Variants in DIPK1A observed in about 807,000 individuals in gnomAD.
DIPK1A encodes the protein divergent protein kinase domain 1A.
In DIPK1A, 27 loss-of-function variants were observed where a neutral mutation model predicts 40.8. That is an observed-to-expected ratio of 0.66 (90% CI 0.49 to 0.91). The LOEUF is 0.91. Among genes scored for constraint, DIPK1A ranks in the 40% least tolerant of loss-of-function variants. The probability of loss-of-function intolerance (pLI) is 0.00; values close to 1 mark genes in which losing one functional copy is unlikely to be tolerated. For missense variants in DIPK1A, 412 were observed against 505.7 expected, an observed-to-expected ratio of 0.81 and a Z score of 1.78; for synonymous variants, 166 against 171.3, an observed-to-expected ratio of 0.97 and a Z score of 0.24.
Position 92,836,472 on chromosome 1 carries a change from G to A in DIPK1A, c.475-3438C>T, listed in dbSNP as rs1175471407. On this transcript the variant is annotated intron_variant, in intron 4 of 4. Coordinates refer to the DIPK1A transcript ENST00000615519. Reference sequence around the variant, plus strand: ...AACTAGTTGGACTGTGGAGATAACCGAATTAAAGTAGCTATCAATTGAATG... The same window carrying A: ...AACTAGTTGGACTGTGGAGATAACCAAATTAAAGTAGCTATCAATTGAATG... 1.9e-5 allele frequency: 24 copies of A among 1,296,428 alleles called. No individual in the cohort carries two copies. The East Asian group carries it at 3.0e-4, about 16-fold the overall frequency. The allele number at this position is 1,296,428 out of a possible 1,614,324, so 80.3% of individuals were successfully genotyped here.
At chr1:92,876,662 A>G (rs143223784) in intron 1 of DIPK1A, among the ~76,000 whole-genome samples, 148 of 152,316 alleles carry the variant, frequency 9.7e-4, no homozygotes, top group African/African-American at 3.3e-3. Flanking sequence ...TTTAAGATGT[A>G]TAACCTTTCA....
intron 2 of DIPK1A, among the ~76,000 whole-genome samples, chr1:92,868,136 A>G (rs914828460): frequency 6.6e-6 from 1 of 152,224 alleles, no homozygotes; most frequent in African/African-American, 2.4e-5. Flanking sequence ...TCGAGCCTGT[A>G]TAGTGTAGTT....
At chr1:92,930,425 T>TA (rs1007697310) in intron 1 of DIPK1A, among the ~76,000 whole-genome samples, 22 of 151,430 alleles carry the variant, frequency 1.5e-4, no homozygotes, top group East Asian at 3.9e-4. Flanking sequence ...TAGGTAGTAA[T>TA]AAAAAAAAAC....
At position 92,842,318 on chromosome 1, in the gene DIPK1A, A is replaced by T. The variant is rs1427879900; in HGVS notation, c.*1065T>A. 1 of 986,106 alleles carries T rather than the reference A, an allele frequency of 1.0e-6. No homozygotes were observed. The highest frequency in any genetic ancestry group is 1.2e-6 in the Non-Finnish European group (1 of 830,482). 61.1% of individuals were successfully genotyped at this position (986,106 alleles called of 1,614,324 possible). On this transcript the variant is annotated 3_prime_UTR_variant, in exon 5 of 5. Transcript: ENST00000370310. The stretch of plus-strand genomic sequence containing the variant: ...ATAGATTTTTAACATGTTCCACTTT[A>T]GGTAGGCGAAACCTTTGAGCAGAAA...
At chr1:92,836,840 G>A (rs1687150903) in intron 4 of DIPK1A, 1 of 206,468 alleles carries the variant, frequency 4.8e-6, no homozygotes, top group South Asian at 7.6e-5. Flanking sequence ...TAAGATTGTA[G>A]GCCATTTTGG....
chr1:92,944,030 A>C (rs1048570791), intron 1 of DIPK1A, among the ~76,000 whole-genome samples: 2 of 152,318 alleles, frequency 1.3e-5, no homozygotes, highest in Admixed American at 1.3e-4. Context: ...GCATCCACAT[A>C]AACTATGAAT....
chr1:92,887,759 T>C (rs1648677838), intron 1 of DIPK1A, among the ~76,000 whole-genome samples: 1 of 152,104 alleles, frequency 6.6e-6, no homozygotes, highest in Non-Finnish European at 1.5e-5. Flanking sequence ...ATTCTATAAG[T>C]AGGGGACTAT....
At chr1:92,852,600 C>A (rs923893350) in intron 2 of DIPK1A, among the ~76,000 whole-genome samples, 2 of 152,056 alleles carry the variant, frequency 1.3e-5, no homozygotes, top group Admixed American at 1.3e-4. Flanking sequence ...TAAAATAAGA[C>A]TTCAAAGCAG....
At chr1:92,901,340 G>T (rs1381926660) in intron 1 of DIPK1A, among the ~76,000 whole-genome samples, 1 of 152,004 alleles carries the variant, frequency 6.6e-6, no homozygotes, top group Non-Finnish European at 1.5e-5. Context: ...GGTCCTAGGT[G>T]CAGGGTTTTG....
rs377488021 is a variant in DIPK1A, at chr1:92,917,465, T to C, written c.55-41035A>G. On this transcript the variant is annotated intron_variant, in intron 1 of 4. Transcript: ENST00000370310. ...GAAATGGTAGAAAAGGCTCTATTCCTGACTTCATTTTTCAAAATTGAACCA... is the reference window on the plus strand; with the variant it reads ...GAAATGGTAGAAAAGGCTCTATTCCCGACTTCATTTTTCAAAATTGAACCA... 2.5e-4 allele frequency among the ~76,000 whole-genome samples: 38 copies of C among 152,338 alleles called. 2 individuals carry two copies. In the East Asian group the frequency reaches 3.3e-3, roughly 13 times the overall value.
intron 1 of DIPK1A, among the ~76,000 whole-genome samples, chr1:92,896,845 G>C (rs1055970768): frequency 6.6e-6 from 1 of 151,220 alleles, no homozygotes; most frequent in Admixed American, 6.6e-5. Flanking sequence ...GTGGGTGAAG[G>C]ATATGAACAG....
intron 1 of DIPK1A, among the ~76,000 whole-genome samples, chr1:92,892,743 A>C (rs561130900): frequency 1.3e-5 from 2 of 152,192 alleles, no homozygotes; most frequent in South Asian, 4.1e-4. Flanking sequence ...AAAGAAGTTA[A>C]AAACCTTAAA....
chr1:92,934,809 A>T (rs970676641), intron 1 of DIPK1A, among the ~76,000 whole-genome samples: 1 of 152,206 alleles, frequency 6.6e-6, no homozygotes, highest in Admixed American at 6.5e-5. Context: ...ATTTGCCAAG[A>T]GAGTTCCTGG....
chr1:92,903,426 G>A (rs1175153996), intron 1 of DIPK1A, among the ~76,000 whole-genome samples: 3 of 152,078 alleles, frequency 2.0e-5, no homozygotes, highest in African/African-American at 7.2e-5. Flanking sequence ...AATTCTATAG[G>A]CAATTACAGT....
chr1:92,883,673 T>C (rs1317872239), intron 1 of DIPK1A, among the ~76,000 whole-genome samples: 2 of 152,198 alleles, frequency 1.3e-5, no homozygotes, highest in African/African-American at 4.8e-5. Flanking sequence ...GTCAAGGTAA[T>C]TGAACTTCTT....
At chr1:92,890,522 T>G (rs1648815388) in intron 1 of DIPK1A, among the ~76,000 whole-genome samples, 1 of 152,210 alleles carries the variant, frequency 6.6e-6, no homozygotes, top group Non-Finnish European at 1.5e-5. Flanking sequence ...ATTTTCATCA[T>G]GAAAAGGTGT....
At chr1:92,911,433 T>C (rs938712584) in intron 1 of DIPK1A, among the ~76,000 whole-genome samples, 1 of 152,234 alleles carries the variant, frequency 6.6e-6, no homozygotes, top group African/African-American at 2.4e-5. Context: ...CTGTTGTTTA[T>C]ATGAGCCGCC....
At chr1:92,937,408 A>G (rs71652512) in intron 1 of DIPK1A, among the ~76,000 whole-genome samples, 3,548 of 152,350 alleles carry the variant, frequency 0.023, 74 homozygotes, top group Middle Eastern at 0.041. Flanking sequence ...ACTGCATGAT[A>G]TACTTCTATC....
Position 92,880,869 on chromosome 1 carries a change from CCAAACAAA to C in DIPK1A, c.55-4447_55-4440del, listed in dbSNP as rs112768555. On this transcript the variant is annotated intron_variant, in intron 1 of 4. Transcript: ENST00000370310. ...TGGGCAACAGAGCGAGACTCCGTCT[CCAAACAAA>C]CAAACAAACAAACAAACAAAAAAAC... Among the ~76,000 whole-genome samples the C allele has an allele frequency of 4.1e-3, 604 of 148,104 alleles. 3 individuals carry two copies. Among genetic ancestry groups the C allele is most frequent in the Non-Finnish European group, 6.7e-3 (448 of 67,250 alleles).
Sources: allele counts gnomAD v4.1 joint callset (sites outside exome capture counted in the v4.1 genomes callset), GRCh38; gene constraint gnomAD v4.1.1; transcripts MANE v1.5; gene names NCBI Gene and HGNC (gene_info 2026-07-23, HGNC 2026-07-21).